The following AFG2A variants were observed in gnomAD, a reference collection of about 807,000 sequenced individuals.
AFG2A encodes the protein ATPase family gene 2 protein homolog A.
chr4:123,183,409 AAGTT>A, the AFG2A span, among the ~76,000 whole-genome samples: 4 of 152,204 alleles, frequency 2.6e-5, no homozygotes, highest in Non-Finnish European at 5.9e-5. Context: ...CTTAGGAAAA[AAGTT>A]AGACTAAATT....
chr4:122,936,322 A>G, the AFG2A span, among the ~76,000 whole-genome samples: 1 of 152,246 alleles, frequency 6.6e-6, no homozygotes, highest in Non-Finnish European at 1.5e-5. Flanking sequence ...CTAATCTTTA[A>G]AAGTTTGATA....
chr4:123,237,603 G>A, the AFG2A span, among the ~76,000 whole-genome samples: 3 of 148,518 alleles, frequency 2.0e-5, no homozygotes, highest in Admixed American at 6.8e-5. Context: ...AACCTAGGAG[G>A]TGGAGGTTGC....
chr4:122,936,056 A>G, the AFG2A span: 1 of 1,514,598 alleles, frequency 6.6e-7, no homozygotes, highest in African/African-American at 1.4e-5. Context: ...CAAAGCTTTA[A>G]AAACAATAAG....
the AFG2A span, among the ~76,000 whole-genome samples, chr4:123,144,739 C>T: frequency 0.15 from 22,211 of 151,980 alleles, 2,081 homozygotes; most frequent in East Asian, 0.45. Flanking sequence ...GAAAAGTGAC[C>T]TCAAAGAACC....
chr4:123,018,399 AG>A, the AFG2A span, among the ~76,000 whole-genome samples: 1 of 152,254 alleles, frequency 6.6e-6, no homozygotes, highest in Non-Finnish European at 1.5e-5. Context: ...ATATATTGTA[AG>A]TTATTAAAAA....
chr4:123,272,348 G>T, the AFG2A span, among the ~76,000 whole-genome samples: 3 of 152,026 alleles, frequency 2.0e-5, no homozygotes, highest in African/African-American at 7.2e-5. Flanking sequence ...GTGAAACTTG[G>T]TTATGTACAA....
chr4:123,019,606 T>C, the AFG2A span, among the ~76,000 whole-genome samples: 1 of 152,198 alleles, frequency 6.6e-6, no homozygotes, highest in African/African-American at 2.4e-5. Context: ...ACATCTTACA[T>C]GTATGCAATT....
the AFG2A span, among the ~76,000 whole-genome samples, chr4:122,940,872 C>G: frequency 6.6e-6 from 1 of 151,210 alleles, no homozygotes; most frequent in Non-Finnish European, 1.5e-5. Flanking sequence ...TTTCCCAGCA[C>G]CATTTATTAA....
chr4:123,155,989 G>C, the AFG2A span, among the ~76,000 whole-genome samples: 1 of 152,186 alleles, frequency 6.6e-6, no homozygotes, highest in African/African-American at 2.4e-5. Flanking sequence ...ATTGGCTCAT[G>C]GTTCTGCAGG....
At chr4:123,153,359 C>T in the AFG2A span, among the ~76,000 whole-genome samples, 1 of 152,226 alleles carries the variant, frequency 6.6e-6, no homozygotes, top group Non-Finnish European at 1.5e-5. Context: ...TGCCAATTCT[C>T]TTGTCCTTTG....
the AFG2A span, among the ~76,000 whole-genome samples, chr4:123,049,949 G>C: frequency 8.8e-4 from 133 of 151,998 alleles, no homozygotes; most frequent in African/African-American, 3.0e-3. Flanking sequence ...GGGTGTTTAA[G>C]GCTTTAAACT....
At chr4:123,086,739 T>C in the AFG2A span, among the ~76,000 whole-genome samples, 1 of 152,152 alleles carries the variant, frequency 6.6e-6, no homozygotes, top group African/African-American at 2.4e-5. Flanking sequence ...TCATAAAGTT[T>C]TCCTTATCCT....
At chr4:123,314,478 T>C in the AFG2A span, 1 of 152,634 alleles carries the variant, frequency 6.6e-6, no homozygotes, top group African/African-American at 2.4e-5. Flanking sequence ...TATAAAAAAG[T>C]GTATGTGGAT....
chr4:122,981,078 C>T, the AFG2A span, among the ~76,000 whole-genome samples: 1 of 152,048 alleles, frequency 6.6e-6, no homozygotes, highest in Non-Finnish European at 1.5e-5. Flanking sequence ...TGCCCTGGAC[C>T]CATGCCATAA....
chr4:123,117,710 G>A, the AFG2A span, among the ~76,000 whole-genome samples: 1 of 151,722 alleles, frequency 6.6e-6, no homozygotes, highest in South Asian at 2.1e-4. Context: ...TAAAGGAGGA[G>A]AGGGAGAAAA....
At chr4:123,093,363 G>A in the AFG2A span, among the ~76,000 whole-genome samples, 2 of 152,130 alleles carry the variant, frequency 1.3e-5, no homozygotes, top group African/African-American at 4.8e-5. Context: ...CTATGAAAGG[G>A]TAACTTCTGG....
At chr4:123,076,137 G>C in the AFG2A span, among the ~76,000 whole-genome samples, 1 of 152,092 alleles carries the variant, frequency 6.6e-6, no homozygotes, top group Admixed American at 6.5e-5. Context: ...CAGGCACGAT[G>C]GCACAAACCT....
At chr4:123,291,355 T>A in the AFG2A span, among the ~76,000 whole-genome samples, 1 of 152,240 alleles carries the variant, frequency 6.6e-6, no homozygotes, top group Non-Finnish European at 1.5e-5. Flanking sequence ...ACAATTCTAA[T>A]GATCATTTTG....
chr4:123,019,691 A>C, the AFG2A span, among the ~76,000 whole-genome samples: 1 of 152,136 alleles, frequency 6.6e-6, no homozygotes, highest in African/African-American at 2.4e-5. Flanking sequence ...AATTTGTGTA[A>C]AGACAGATAT....
Sources: allele counts gnomAD v4.1 joint callset (sites outside exome capture counted in the v4.1 genomes callset), GRCh38; gene constraint gnomAD v4.1.1; transcripts MANE v1.5; gene names NCBI Gene and HGNC (gene_info 2026-07-23, HGNC 2026-07-21).